RNLS: variants seen among roughly 807,000 people sequenced by gnomAD.
RNLS encodes the protein renalase.
A neutral mutation model predicts 39.8 loss-of-function variants in RNLS; 39 were observed. That is an observed-to-expected ratio of 0.98 (90% CI 0.76 to 1.28). The LOEUF is 1.28. Among genes scored for constraint, RNLS ranks in the 50% most tolerant of loss-of-function variants. RNLS has a pLI of 0.00. For synonymous variants in RNLS, 147 were observed against 150.7 expected (o/e 0.98, Z 0.18); for missense variants, 410 against 413.3 (o/e 0.99, Z 0.07).
intron 4 of RNLS, among the ~76,000 whole-genome samples, chr10:88,475,342 A>T (rs1042816016): frequency 3.9e-5 from 6 of 152,226 alleles, no homozygotes; most frequent in Admixed American, 2.6e-4. Flanking sequence ...CTGGCTAAAA[A>T]TAAGGAAGCC....
At chr10:88,194,669 G>T in the RNLS span, among the ~76,000 whole-genome samples, 2 of 152,198 alleles carry the variant, frequency 1.3e-5, no homozygotes, top group African/African-American at 4.8e-5. Flanking sequence ...ATCTTCTGGA[G>T]AAATGATTAA....
At chr10:88,266,772 T>TAA in the RNLS span, among the ~76,000 whole-genome samples, 6 of 143,026 alleles carry the variant, frequency 4.2e-5, no homozygotes, top group East Asian at 8.1e-4. Context: ...AACTTCTACT[T>TAA]AAAAAAAAAA....
intron 4 of RNLS, among the ~76,000 whole-genome samples, chr10:88,557,251 TGGCTATTTCATGTA>T (rs895798970): frequency 3.3e-5 from 5 of 152,186 alleles, no homozygotes; most frequent in Admixed American, 2.6e-4. Flanking sequence ...TGATTTCCTT[TGGCTATTTCATGTA>T]GCAAATTTTA....
intron 4 of RNLS, among the ~76,000 whole-genome samples, chr10:88,546,255 A>G (rs537191865): frequency 1.0e-3 from 153 of 152,178 alleles, no homozygotes; most frequent in South Asian, 4.3e-3. Flanking sequence ...ATATAGCTCC[A>G]TATTCAATCA....
chr10:88,418,098 TA>T (rs67974005), intron 4 of RNLS, among the ~76,000 whole-genome samples: 5,212 of 121,380 alleles, frequency 0.043, 100 homozygotes, highest in Middle Eastern at 0.097. Flanking sequence ...TTTTTTTTTT[TA>T]AATTCCTAGG....
At chr10:88,217,810 C>T in the RNLS span, among the ~76,000 whole-genome samples, 8 of 145,962 alleles carry the variant, frequency 5.5e-5, no homozygotes, top group Middle Eastern at 3.4e-3. Flanking sequence ...GAGGCCAAAG[C>T]GGGTGGATCA....
chr10:88,495,003 T>C (rs1387672858), intron 4 of RNLS, among the ~76,000 whole-genome samples: 1 of 152,144 alleles, frequency 6.6e-6, no homozygotes. Flanking sequence ...GTTTGACACT[T>C]AGATTCGCCT....
At chr10:88,393,132 A>G (rs1248222770) in intron 4 of RNLS, among the ~76,000 whole-genome samples, 1 of 152,230 alleles carries the variant, frequency 6.6e-6, no homozygotes, top group African/African-American at 2.4e-5. Context: ...AAACTGGCAC[A>G]AGACAGGGAT....
chr10:88,441,682 G>A (rs1841722702), intron 4 of RNLS, among the ~76,000 whole-genome samples: 2 of 152,204 alleles, frequency 1.3e-5, no homozygotes, highest in African/African-American at 4.8e-5. Flanking sequence ...GGTATGTGAA[G>A]TAATTCAAGG....
At chr10:88,436,389 C>G (rs970008340) in intron 4 of RNLS, among the ~76,000 whole-genome samples, 5 of 152,136 alleles carry the variant, frequency 3.3e-5, no homozygotes, top group African/African-American at 1.2e-4. Flanking sequence ...GGTATAACCT[C>G]GGGCCAGGGC....
Position 88,322,541 on chromosome 10 carries a change from T to A in RNLS, c.701-7900A>T, listed in dbSNP as rs796927143. On this transcript the variant is annotated intron_variant, in intron 5 of 6. Coordinates refer to ENST00000331772, the MANE Select transcript of RNLS (RefSeq NM_001031709.3). ...TTGACGGTTCCTCCTTCACAGGTGC[T>A]CTCTCATGTGCTGCCATGTAAGAAG... 2.5e-4 allele frequency among the ~76,000 whole-genome samples: 38 copies of A among 152,322 alleles called. 1 individual carries two copies. Among genetic ancestry groups the A allele is most frequent in the African/African-American group, 8.7e-4 (36 of 41,572 alleles).
chr10:88,217,357 G>T, the RNLS span, among the ~76,000 whole-genome samples: 1 of 152,096 alleles, frequency 6.6e-6, no homozygotes. Flanking sequence ...TCATCAGTTG[G>T]GTTAAAATAT....
chr10:88,345,502 G>A (rs1174964332), intron 5 of RNLS, among the ~76,000 whole-genome samples: 3 of 151,992 alleles, frequency 2.0e-5, no homozygotes, highest in Non-Finnish European at 4.4e-5. Flanking sequence ...TTTAACAAAG[G>A]GTGATTTTTA....
rs191720075 is a variant in RNLS, at chr10:88,516,276, G to A, written c.526+56627C>T. ...GAAATATCTAAATCTGGACATTAGA[G>A]GAATACAGAAACATTCATGAGTTCT... is the stretch of plus-strand genomic sequence containing the variant. On this transcript the variant is annotated intron_variant, in intron 4 of 6. Transcript: ENST00000331772. Among the ~76,000 whole-genome samples, 25 of 152,122 alleles carry A rather than the reference G, an allele frequency of 1.6e-4. No individual in the cohort carries two copies. In the East Asian group the frequency reaches 4.6e-3, roughly 28 times the overall value.
At chr10:88,455,931 A>G (rs1842606158) in intron 4 of RNLS, among the ~76,000 whole-genome samples, 1 of 152,218 alleles carries the variant, frequency 6.6e-6, no homozygotes, top group Admixed American at 6.5e-5. Flanking sequence ...CTCCATTAAA[A>G]GCCTCCCAAG....
chr10:88,574,657 A>C (rs1282620784), intron 3 of RNLS, among the ~76,000 whole-genome samples: 1 of 152,236 alleles, frequency 6.6e-6, no homozygotes, highest in Non-Finnish European at 1.5e-5. Flanking sequence ...TGTAAATGTT[A>C]GAAGAAACAT....
intron 4 of RNLS, among the ~76,000 whole-genome samples, chr10:88,564,316 TACACAC>T (rs5786827): frequency 0.012 from 1,711 of 147,898 alleles, 35 homozygotes; most frequent in South Asian, 0.074. Flanking sequence ...TGACTGCAAA[TACACAC>T]ACACACACAC....
intron 4 of RNLS, among the ~76,000 whole-genome samples, chr10:88,449,542 TAACTCATG>T (rs1315354564): frequency 6.6e-6 from 1 of 152,192 alleles, no homozygotes; most frequent in Non-Finnish European, 1.5e-5. Flanking sequence ...TAATTTTTAT[TAACTCATG>T]AACTCATGAA....
At chr10:88,251,254 C>T in the RNLS span, among the ~76,000 whole-genome samples, 4 of 152,188 alleles carry the variant, frequency 2.6e-5, no homozygotes, top group African/African-American at 7.2e-5. Context: ...TAACTGCCTT[C>T]TAGTACTTGG....
Sources: allele counts gnomAD v4.1 joint callset (sites outside exome capture counted in the v4.1 genomes callset), GRCh38; gene constraint gnomAD v4.1.1; transcripts MANE v1.5; gene names NCBI Gene and HGNC (gene_info 2026-07-23, HGNC 2026-07-21).